Variants in LRP12 observed in about 807,000 individuals in gnomAD.
LRP12 encodes low-density lipoprotein receptor-related protein 12.
Under a neutral mutation model 66.0 loss-of-function variants are expected in LRP12, and 14 were observed. That is an observed-to-expected ratio of 0.21 (90% CI 0.14 to 0.33). The LOEUF (loss-of-function observed/expected upper bound fraction) is 0.33, where lower values mean the gene tolerates loss of function less well. Ranked by LOEUF, LRP12 falls within the 10% of genes least tolerant of loss-of-function variation. The pLI, the probability that LRP12 is intolerant of heterozygous loss-of-function variation, is 1.00. For synonymous variants in LRP12, 357 were observed against 359.1 expected, an observed-to-expected ratio of 0.99 and a Z score of 0.07; for missense variants, 889 against 1,053.4, an observed-to-expected ratio of 0.84 and a Z score of 2.16.
At chr8:104,548,084 T>G (rs1811629911) in intron 1 of LRP12, among the ~76,000 whole-genome samples, 1 of 117,094 alleles carries the variant, frequency 8.5e-6, no homozygotes, top group East Asian at 2.3e-4. Flanking sequence ...TTCTGTTATA[T>G]TATATTTTGT....
intron 2 of LRP12, among the ~76,000 whole-genome samples, 185 bp from the exon 3 acceptor site, chr8:104,509,259 A>G (rs529581087): frequency 1.2e-4 from 18 of 152,266 alleles, no homozygotes; most frequent in Non-Finnish European, 2.2e-4. Context: ...CCTTTTAGAT[A>G]AAGTCCCTTA....
At chr8:104,540,471 G>A (rs372419990) in intron 1 of LRP12, among the ~76,000 whole-genome samples, 9 of 151,996 alleles carry the variant, frequency 5.9e-5, no homozygotes, top group South Asian at 4.1e-4. Context: ...CTAAGGAAAG[G>A]CTCCATAATG....
intron 1 of LRP12, among the ~76,000 whole-genome samples, chr8:104,566,966 T>C (rs551749054): frequency 1.3e-5 from 2 of 151,854 alleles, no homozygotes; most frequent in South Asian, 2.1e-4. Context: ...TATATAATTA[T>C]ATACTGATTA....
chr8:104,498,196 G>A, intron 4 of LRP12, 120 bp from the exon 5 acceptor site: 1 of 1,023,946 alleles, frequency 9.8e-7, no homozygotes, highest in Non-Finnish European at 1.4e-6. Context: ...AGTGCTAGAA[G>A]TTTTAAAAAA....
intron 1 of LRP12, among the ~76,000 whole-genome samples, chr8:104,552,440 C>A (rs949544744): frequency 4.0e-5 from 6 of 150,524 alleles, no homozygotes; most frequent in African/African-American, 1.5e-4. Context: ...GAGGCCGAGG[C>A]GGGCAGATCA....
chr8:104,495,415 T>C, intron 5 of LRP12: 1 of 476,414 alleles, frequency 2.1e-6, no homozygotes, highest in East Asian at 3.2e-5. Context: ...TTCATAGGGC[T>C]TTATGCTAGT....
intron 5 of LRP12, 35 bp from the exon 6 acceptor site, chr8:104,495,244 G>C (rs928966395): frequency 6.3e-7 from 1 of 1,590,334 alleles, no homozygotes; most frequent in African/African-American, 1.4e-5. Flanking sequence ...ATGATTAAAA[G>C]GGGGAGCGAA....
chr8:104,558,706 A>G (rs1423300027), intron 1 of LRP12, among the ~76,000 whole-genome samples: 1 of 152,178 alleles, frequency 6.6e-6, no homozygotes, highest in Non-Finnish European at 1.5e-5. Context: ...CTAACTATGC[A>G]TCCAACAAAG....
At chr8:104,511,708 T>A (rs1176185059) in intron 2 of LRP12, among the ~76,000 whole-genome samples, 1 of 152,104 alleles carries the variant, frequency 6.6e-6, no homozygotes, top group African/African-American at 2.4e-5. Flanking sequence ...AAACATGCAA[T>A]CAAAGCTTTA....
At chr8:104,540,101 G>C (rs1811453048) in intron 1 of LRP12, among the ~76,000 whole-genome samples, 1 of 151,868 alleles carries the variant, frequency 6.6e-6, no homozygotes, top group Non-Finnish European at 1.5e-5. Context: ...ATAAGGTAAG[G>C]GTGGGGGCTC....
chr8:104,551,411 G>C (rs931822169), intron 1 of LRP12, among the ~76,000 whole-genome samples: 3 of 152,066 alleles, frequency 2.0e-5, no homozygotes, highest in Non-Finnish European at 4.4e-5. Context: ...ATATGTGCAG[G>C]TTTGTTACAT....
At chr8:104,509,714 G>A (rs867242772) in intron 2 of LRP12, among the ~76,000 whole-genome samples, 8 of 152,298 alleles carry the variant, frequency 5.3e-5, no homozygotes, top group Middle Eastern at 3.4e-3. Context: ...AAAAAAAATC[G>A]TATGCTGAGG....
chr8:104,580,298 C>T (rs921438128), intron 1 of LRP12, among the ~76,000 whole-genome samples: 3 of 149,006 alleles, frequency 2.0e-5, no homozygotes, highest in Non-Finnish European at 3.0e-5. Flanking sequence ...AGGTGGATCA[C>T]GAGGTCAGGA....
chr8:104,529,786 A>G lies in LRP12; in HGVS notation c.136+2121T>C, dbSNP rs2140861103. On this transcript the variant is annotated intron_variant, in intron 2 of 6. Transcript: ENST00000276654. ...AACAGAGCACAAAACGCTCAATGATATGGCTTCAGATTCCACATTGCAACT... is the reference window on the plus strand; with the variant it reads ...AACAGAGCACAAAACGCTCAATGATGTGGCTTCAGATTCCACATTGCAACT... 1.3e-5 allele frequency among the ~76,000 whole-genome samples: 2 copies of G among 152,370 alleles called. 1 individual carries two copies. The highest frequency in any genetic ancestry group is 4.1e-4 in the South Asian group (2 of 4,834).
chr8:104,512,165 A>C (rs570692204), intron 2 of LRP12, among the ~76,000 whole-genome samples: 1 of 152,180 alleles, frequency 6.6e-6, no homozygotes. Context: ...AAAAGTACAG[A>C]AATTAGCTGG....
chr8:104,548,339 A>AATATATAATATATATTATATAAATATAT (rs1564142200), intron 1 of LRP12, among the ~76,000 whole-genome samples: 1 of 43,118 alleles, frequency 2.3e-5, no homozygotes, highest in East Asian at 5.5e-4. Flanking sequence ...TATTATATAA[A>AATATATAATATATATTATATAAATATAT]TATATAAATA....
intron 1 of LRP12, among the ~76,000 whole-genome samples, chr8:104,568,611 G>A (rs78405480): frequency 0.031 from 4,655 of 152,022 alleles, 233 homozygotes; most frequent in African/African-American, 0.11. Context: ...TAAGAAATGG[G>A]CAAAAGATTT....
chr8:104,540,138 TAAG>T (rs143440371), intron 1 of LRP12, among the ~76,000 whole-genome samples: 6,154 of 152,016 alleles, frequency 0.04, 187 homozygotes, highest in South Asian at 0.075. Context: ...TGTCCTCTTA[TAAG>T]AAGAGGAGAT....
At chr8:104,573,776 A>G (rs1298045883) in intron 1 of LRP12, among the ~76,000 whole-genome samples, 2 of 151,922 alleles carry the variant, frequency 1.3e-5, no homozygotes, top group African/African-American at 4.8e-5. Context: ...TGCATCTAAA[A>G]GAATGGATTA....
Sources: allele counts gnomAD v4.1 joint callset (sites outside exome capture counted in the v4.1 genomes callset), GRCh38; gene constraint gnomAD v4.1.1; transcripts MANE v1.5; gene names NCBI Gene and HGNC (gene_info 2026-07-23, HGNC 2026-07-21).